The following CDIN1 variants were observed in gnomAD, a reference collection of about 807,000 sequenced individuals.
CDIN1 encodes CDAN1 interacting nuclease 1, also known as CDAN1-interacting nuclease 1.
Under a neutral mutation model 45.3 loss-of-function variants are expected in CDIN1, and 33 were observed. The ratio of observed to expected loss-of-function variants is 0.73; its 90% CI spans 0.55 to 0.97. The LOEUF is 0.97. Ranked by LOEUF, CDIN1 falls within the 50% of genes least tolerant of loss-of-function variation. The pLI, the probability that CDIN1 is intolerant of heterozygous loss-of-function variation, is 0.00. For synonymous variants in CDIN1, 118 were observed against 124.4 expected, an observed-to-expected ratio of 0.95 and a Z score of 0.34; for missense variants, 303 against 339.4, an observed-to-expected ratio of 0.89 and a Z score of 0.84.
At position 36,604,418 on chromosome 15, in the gene CDIN1, TAC is replaced by T. The variant is rs144533313; in HGVS notation, c.101+24495_101+24496del. On this transcript the variant is annotated intron_variant, in intron 1 of 10. Transcript: ENST00000566621. ...ATGTTCTTCTATGACTTTTAAAAGG[TAC>T]ACACACACACACACACACACACACA... 3.9e-3 allele frequency among the ~76,000 whole-genome samples: 502 copies of T among 128,850 alleles called. 2 individuals carry two copies. The highest frequency in any genetic ancestry group is 6.4e-3 in the African/African-American group (218 of 34,008). 84.5% of individuals were successfully genotyped at this position (128,850 alleles called of 152,430 possible).
intron 5 of CDIN1, among the ~76,000 whole-genome samples, chr15:36,685,718 A>G (rs2140658501): frequency 6.6e-6 from 1 of 152,318 alleles, no homozygotes; most frequent in Middle Eastern, 3.4e-3. Context: ...TACAAGAAAA[A>G]AACAAACAAC....
chr15:36,747,271 A>C (rs996419740), intron 10 of CDIN1: 5 of 326,720 alleles, frequency 1.5e-5, no homozygotes, highest in Admixed American at 4.9e-5. Flanking sequence ...TGGGTGACAA[A>C]ATAATTTGCC....
At chr15:36,687,349 G>A (rs2042097109) in intron 5 of CDIN1, among the ~76,000 whole-genome samples, 1 of 151,956 alleles carries the variant, frequency 6.6e-6, no homozygotes, top group Non-Finnish European at 1.5e-5. Context: ...AAAGTTCAAA[G>A]TAAAGAAATG....
intron 10 of CDIN1, among the ~76,000 whole-genome samples, chr15:36,748,691 C>T (rs1263802582): frequency 6.6e-6 from 1 of 152,072 alleles, no homozygotes; most frequent in Non-Finnish European, 1.5e-5. Context: ...AACGTGCAGC[C>T]ATCAACTGGG....
chr15:36,763,601 G>C (rs1370320749), intron 10 of CDIN1, among the ~76,000 whole-genome samples: 1 of 152,100 alleles, frequency 6.6e-6, no homozygotes, highest in African/African-American at 2.4e-5. Flanking sequence ...AGAGAGGACT[G>C]TACCCCGCCA....
rs745616406 is a variant in CDIN1, at chr15:36,657,836, G to A, written c.277G>A (p.Asp93Asn). The change falls in exon 5 of 11, where the codon GAC becomes AAC. Residue 93 changes from aspartate to asparagine, a missense_variant. Transcript: ENST00000566621. ...PVLLDLANEVDYAPSLMARLI... is the reference protein window; with the variant it reads ...PVLLDLANEVNYAPSLMARLI... ...TTTCTACTTCTGTTTTATAAAGGTG[G>A]ACTATGCGCCCTCATTAATGGCTCG... The A allele has an allele frequency of 1.2e-6, 2 of 1,610,554 alleles. No homozygotes were observed. Among genetic ancestry groups the A allele is most frequent in the Non-Finnish European group, 1.7e-6 (2 of 1,178,180 alleles).
chr15:36,698,598 G>A (rs1197920736), intron 8 of CDIN1, among the ~76,000 whole-genome samples: 2 of 152,164 alleles, frequency 1.3e-5, no homozygotes, highest in African/African-American at 2.4e-5. Flanking sequence ...TATGAGATAT[G>A]TTTTGGAACC....
At chr15:36,697,244 TC>T in intron 7 of CDIN1, 78 bp from the exon 8 acceptor site, 1 of 1,215,084 alleles carries the variant, frequency 8.2e-7, no homozygotes, top group Middle Eastern at 1.9e-4. Context: ...AAATGGCTGC[TC>T]AAAGTATAGA....
chr15:36,669,303 T>C (rs1008292131), intron 5 of CDIN1, among the ~76,000 whole-genome samples: 1 of 152,160 alleles, frequency 6.6e-6, no homozygotes, highest in Non-Finnish European at 1.5e-5. Flanking sequence ...TCTGGAATTC[T>C]TATAACCAAC....
intron 10 of CDIN1, among the ~76,000 whole-genome samples, chr15:36,737,550 T>C (rs150307351): frequency 6.6e-6 from 1 of 152,288 alleles, no homozygotes; most frequent in East Asian, 1.9e-4. Context: ...AGCTCCCTTT[T>C]CTCTGTCTCT....
intron 5 of CDIN1, among the ~76,000 whole-genome samples, chr15:36,686,034 A>G (rs2042030037): frequency 6.6e-6 from 1 of 151,854 alleles, no homozygotes; most frequent in Non-Finnish European, 1.5e-5. Context: ...TAGAAATACC[A>G]TTTGACCCAG....
chr15:36,804,364 C>T (rs1024610250), intron 10 of CDIN1, among the ~76,000 whole-genome samples: 1 of 152,098 alleles, frequency 6.6e-6, no homozygotes, highest in African/African-American at 2.4e-5. Context: ...TGCCTGCACC[C>T]CTGTCTCTAG....
chr15:36,776,799 G>A (rs556068456), intron 10 of CDIN1, among the ~76,000 whole-genome samples: 11 of 152,182 alleles, frequency 7.2e-5, no homozygotes, highest in Middle Eastern at 3.4e-3. Context: ...GTTGCCAGTC[G>A]CCCAACATAG....
At chr15:36,797,933 T>TCA (rs1168602779) in intron 10 of CDIN1, among the ~76,000 whole-genome samples, 1 of 134,656 alleles carries the variant, frequency 7.4e-6, no homozygotes, top group Non-Finnish European at 1.5e-5. Flanking sequence ...TGAGCCAAGA[T>TCA]CACACCACTG....
intron 5 of CDIN1, among the ~76,000 whole-genome samples, chr15:36,687,823 T>C (rs2042114303): frequency 6.6e-6 from 1 of 152,040 alleles, no homozygotes; most frequent in South Asian, 2.1e-4. Flanking sequence ...TGAAGACATA[T>C]AAAACATTAA....
intron 1 of CDIN1, among the ~76,000 whole-genome samples, chr15:36,591,167 T>C (rs967350358): frequency 3.9e-5 from 6 of 152,176 alleles, no homozygotes; most frequent in African/African-American, 1.4e-4. Context: ...GTGGTTGAGA[T>C]CTGGGAGGTG....
intron 1 of CDIN1, among the ~76,000 whole-genome samples, chr15:36,626,477 G>T (rs995223478): frequency 6.6e-6 from 1 of 152,038 alleles, no homozygotes; most frequent in South Asian, 2.1e-4. Flanking sequence ...GCTTTCCACC[G>T]TAGGGTATCC....
At chr15:36,783,695 C>T (rs1480143622) in intron 10 of CDIN1, among the ~76,000 whole-genome samples, 1 of 152,124 alleles carries the variant, frequency 6.6e-6, no homozygotes, top group Non-Finnish European at 1.5e-5. Context: ...TTGGAATTTG[C>T]TGAAAATATG....
At chr15:36,703,401 A>C (rs11634583) in intron 8 of CDIN1, among the ~76,000 whole-genome samples, 2,019 of 60,276 alleles carry the variant, frequency 0.033, 545 homozygotes, top group African/African-American at 0.039. Context: ...ATATATATAT[A>C]TGATATACAT....
Sources: allele counts gnomAD v4.1 joint callset (sites outside exome capture counted in the v4.1 genomes callset), GRCh38; gene constraint gnomAD v4.1.1; transcripts MANE v1.5; gene names NCBI Gene and HGNC (gene_info 2026-07-23, HGNC 2026-07-21).